The following GLCCI1 variants were observed in gnomAD, a reference collection of about 807,000 sequenced individuals.
The protein encoded by GLCCI1 is glucocorticoid-induced transcript 1 protein.
A neutral mutation model predicts 52.2 loss-of-function variants in GLCCI1; 24 were observed. The ratio of observed to expected loss-of-function variants is 0.46; its 90% confidence interval spans 0.33 to 0.65. The LOEUF is 0.65. Among genes scored for constraint, GLCCI1 ranks in the 30% least tolerant of loss-of-function variants. The probability of loss-of-function intolerance (pLI) is 0.02; values close to 1 mark genes in which losing one functional copy is unlikely to be tolerated. For missense variants in GLCCI1, 704 were observed against 701.5 expected (o/e 1.00, Z -0.04); for synonymous variants, 310 against 276.5 (o/e 1.12, Z -1.20).
intron 3 of GLCCI1, 104 bp downstream of exon 3, chr7:8,022,673 C>T: frequency 1.9e-6 from 1 of 529,172 alleles, no homozygotes; most frequent in South Asian, 4.2e-5. Context: ...CTAACCTTAC[C>T]TCTTTCAGTA....
At chr7:7,984,321 A>G (rs1780678928) in intron 1 of GLCCI1, among the ~76,000 whole-genome samples, 1 of 152,100 alleles carries the variant, frequency 6.6e-6, no homozygotes, top group South Asian at 2.1e-4. Flanking sequence ...TGGGCTCCCA[A>G]ACTGCTGGTA....
intron 2 of GLCCI1, among the ~76,000 whole-genome samples, chr7:8,007,065 C>T (rs1263648633): frequency 6.6e-6 from 1 of 152,140 alleles, no homozygotes; most frequent in East Asian, 1.9e-4. Flanking sequence ...CTCCCAAGGT[C>T]TCTTATCCCA....
chr7:8,014,499 T>C (rs1781336800), intron 2 of GLCCI1, among the ~76,000 whole-genome samples: 2 of 152,262 alleles, frequency 1.3e-5, no homozygotes, highest in East Asian at 1.9e-4. Flanking sequence ...TTGTTAATTC[T>C]ATATTTGTTT....
chr7:8,017,485 G>C (rs1198576325), intron 2 of GLCCI1, among the ~76,000 whole-genome samples: 4 of 152,008 alleles, frequency 2.6e-5, no homozygotes, highest in African/African-American at 9.7e-5. Context: ...GTATATTTCT[G>C]GGCCTTATCT....
At chr7:8,050,043 G>A (rs1336348487) in intron 3 of GLCCI1, among the ~76,000 whole-genome samples, 10 of 152,134 alleles carry the variant, frequency 6.6e-5, no homozygotes, top group Admixed American at 5.9e-4. Context: ...TTCTTCCAAA[G>A]CTAGCTGTAT....
chr7:8,049,498 C>T lies in GLCCI1; in HGVS notation c.697-5935C>T, dbSNP rs945459303. Among the ~76,000 whole-genome samples the T allele has an allele frequency of 6.6e-5, 10 of 152,058 alleles. No homozygotes were observed. In the East Asian group the frequency reaches 1.3e-3, roughly 21 times the overall value. ...AGTCTCTGTCTAAATTAAATTGAATCGTAAATATGTTTTATAATGCTTTCA... is the reference window on the plus strand; with the variant it reads ...AGTCTCTGTCTAAATTAAATTGAATTGTAAATATGTTTTATAATGCTTTCA... On this transcript the variant is annotated intron_variant, in intron 3 of 7. Coordinates refer to ENST00000223145, the MANE Select transcript of GLCCI1 (RefSeq NM_138426.4).
intron 5 of GLCCI1, among the ~76,000 whole-genome samples, chr7:8,061,709 T>C (rs567932087): frequency 9.7e-4 from 125 of 129,452 alleles, no homozygotes; most frequent in Non-Finnish European, 1.6e-3. Context: ...TTCTGTTGCC[T>C]AGGCTGGAGT....
chr7:7,988,668 G>A (rs773160543), intron 1 of GLCCI1, among the ~76,000 whole-genome samples: 3 of 152,062 alleles, frequency 2.0e-5, no homozygotes, highest in African/African-American at 4.8e-5. Flanking sequence ...TCTTATTTAT[G>A]GTGACAGATG....
At chr7:7,994,527 A>G (rs1020793913) in intron 1 of GLCCI1, among the ~76,000 whole-genome samples, 10 of 152,216 alleles carry the variant, frequency 6.6e-5, no homozygotes, top group Non-Finnish European at 1.2e-4. Context: ...GCAAGAGAGC[A>G]AAAGAGGGTT....
chr7:8,064,770 TG>T (rs1270972242), intron 5 of GLCCI1, among the ~76,000 whole-genome samples: 1 of 152,112 alleles, frequency 6.6e-6, no homozygotes. Flanking sequence ...TGCAGTGGCA[TG>T]GTCTCGGCTC....
At chr7:8,012,261 C>T (rs1781279034) in intron 2 of GLCCI1, among the ~76,000 whole-genome samples, 1 of 151,804 alleles carries the variant, frequency 6.6e-6, no homozygotes, top group Non-Finnish European at 1.5e-5. Context: ...TGCTTTTTGG[C>T]CATCTGTATT....
chr7:7,974,396 G>A (rs1780421194), intron 1 of GLCCI1, among the ~76,000 whole-genome samples: 1 of 152,158 alleles, frequency 6.6e-6, no homozygotes, highest in South Asian at 2.1e-4. Context: ...GTAAAGTTCT[G>A]TGTGTATATA....
chr7:7,990,965 C>T (rs1484500233), intron 1 of GLCCI1, among the ~76,000 whole-genome samples: 2 of 152,042 alleles, frequency 1.3e-5, no homozygotes, highest in Non-Finnish European at 2.9e-5. Flanking sequence ...GAGAATACAG[C>T]TTGTGAGCTA....
At chr7:8,064,326 G>C (rs1480444529) in intron 5 of GLCCI1, among the ~76,000 whole-genome samples, 1 of 152,268 alleles carries the variant, frequency 6.6e-6, no homozygotes, top group African/African-American at 2.4e-5. Flanking sequence ...CATATAGCTA[G>C]CGAATTATCC....
intron 1 of GLCCI1, among the ~76,000 whole-genome samples, chr7:7,973,046 C>G (rs368246642): frequency 6.6e-6 from 1 of 152,108 alleles, no homozygotes; most frequent in African/African-American, 2.4e-5. Flanking sequence ...GTCATCCTCC[C>G]TCTTGTTTGG....
At chr7:8,065,578 CAGTGCCT>C (rs1319459804) in intron 5 of GLCCI1, among the ~76,000 whole-genome samples, 2 of 152,178 alleles carry the variant, frequency 1.3e-5, no homozygotes, top group African/African-American at 4.8e-5. Flanking sequence ...TATGTTCCTT[CAGTGCCT>C]AGTTTGTTGG....
chr7:7,991,277 A>G (rs1780834477), intron 1 of GLCCI1, among the ~76,000 whole-genome samples: 1 of 152,062 alleles, frequency 6.6e-6, no homozygotes, highest in African/African-American at 2.4e-5. Flanking sequence ...GTTAAAATAT[A>G]TTTGGATTAG....
intron 3 of GLCCI1, among the ~76,000 whole-genome samples, chr7:8,047,414 G>C (rs558095339): frequency 6.6e-6 from 1 of 152,164 alleles, no homozygotes; most frequent in Admixed American, 6.5e-5. Flanking sequence ...ATTAAGTAGG[G>C]TTTAAGATGT....
At chr7:8,032,762 A>T (rs73050951) in intron 3 of GLCCI1, among the ~76,000 whole-genome samples, 5,564 of 152,142 alleles carry the variant, frequency 0.037, 141 homozygotes, top group Non-Finnish European at 0.057. Context: ...CTGAATAAAT[A>T]ATTTAAATTC....
Sources: allele counts gnomAD v4.1 joint callset (sites outside exome capture counted in the v4.1 genomes callset), GRCh38; gene constraint gnomAD v4.1.1; transcripts MANE v1.5; gene names NCBI Gene and HGNC (gene_info 2026-07-23, HGNC 2026-07-21).